Variants in SLC25A24 observed in about 807,000 individuals in gnomAD.
SLC25A24 encodes the protein solute carrier family 25 member 24.
A neutral mutation model predicts 60.7 loss-of-function variants in SLC25A24; 49 were observed. The ratio of observed to expected loss-of-function variants is 0.81; its 90% CI spans 0.64 to 1.02. SLC25A24 has a LOEUF of 1.02. Among genes scored for constraint, SLC25A24 ranks in the 50% least tolerant of loss-of-function variants. The pLI, the probability that SLC25A24 is intolerant of heterozygous loss-of-function variation, is 0.00. For missense variants in SLC25A24, 564 were observed against 586.3 expected, an observed-to-expected ratio of 0.96 and a Z score of 0.39; for synonymous variants, 202 against 200.6, an observed-to-expected ratio of 1.01 and a Z score of -0.06.
At chr1:108,176,089 A>G (rs1170664059) in intron 3 of SLC25A24, among the ~76,000 whole-genome samples, 1 of 152,198 alleles carries the variant, frequency 6.6e-6, no homozygotes, top group Non-Finnish European at 1.5e-5. Flanking sequence ...AAGAAAGCTC[A>G]GCAAACTTCA....
chr1:108,139,321 C>A, intron 8 of SLC25A24, 113 bp from the exon 9 acceptor site: 1 of 1,127,086 alleles, frequency 8.9e-7, no homozygotes, highest in East Asian at 2.5e-5. Flanking sequence ...GATGAGGCCA[C>A]GCATTTGCAG....
At chr1:108,156,516 T>G in intron 5 of SLC25A24, among the ~76,000 whole-genome samples, 1 of 152,202 alleles carries the variant, frequency 6.6e-6, no homozygotes, top group East Asian at 1.9e-4. Flanking sequence ...CCTAAATAAA[T>G]TTTGAGATTT....
chr1:108,147,076 C>G (rs929182942), intron 7 of SLC25A24, among the ~76,000 whole-genome samples: 2 of 152,132 alleles, frequency 1.3e-5, no homozygotes, highest in Non-Finnish European at 2.9e-5. Context: ...CTATTAATTA[C>G]TGCCTCAATT....
chr1:108,161,655 T>C (rs910088186), intron 3 of SLC25A24, among the ~76,000 whole-genome samples: 1 of 152,214 alleles, frequency 6.6e-6, no homozygotes, highest in African/African-American at 2.4e-5. Context: ...TAGTGGATCA[T>C]GAAGATAATT....
intron 4 of SLC25A24, among the ~76,000 whole-genome samples, chr1:108,159,815 A>T (rs1247164251): frequency 1.3e-5 from 2 of 151,674 alleles, no homozygotes; most frequent in Non-Finnish European, 1.5e-5. Context: ...CCCAAGGCAG[A>T]AGAATTTTTC....
chr1:108,143,868 T>C (rs547150492), intron 7 of SLC25A24, among the ~76,000 whole-genome samples, 158 bp from the exon 8 acceptor site: 25 of 152,324 alleles, frequency 1.6e-4, no homozygotes, highest in Admixed American at 2.6e-4. Flanking sequence ...ATTACCTCTA[T>C]TGGGGGGCTA....
rs1302317811 is a variant in SLC25A24, at chr1:108,135,406, CTG to C, written c.*1245_*1246del. On this transcript the variant is annotated 3_prime_UTR_variant, in exon 10 of 10. Transcript: ENST00000565488. ...ATGAGTTTAAGAACTAAATTAAAAA[CTG>C]ATAATAACTTCAACTAGTAAATATT... 6.6e-6 allele frequency: 1 copy of C among 152,424 alleles called. No homozygotes were observed. The highest frequency in any genetic ancestry group is 1.5e-5 in the Non-Finnish European group (1 of 67,994). 9.4% of individuals were successfully genotyped at this position (152,424 alleles called of 1,614,324 possible). A position where few individuals can be genotyped will look rare whatever the true frequency, so the allele number is the denominator to read the frequency against.
intron 3 of SLC25A24, among the ~76,000 whole-genome samples, chr1:108,174,901 T>C (rs1647616263): frequency 6.6e-6 from 1 of 152,214 alleles, no homozygotes; most frequent in African/African-American, 2.4e-5. Context: ...TTGGAACAAG[T>C]ATATTTAATC....
chr1:108,136,963 C>T lies in SLC25A24; in HGVS notation c.1250-126G>A. On this transcript the variant is annotated intron_variant, in intron 9 of 9. Coordinates refer to ENST00000565488, the MANE Select transcript of SLC25A24 (RefSeq NM_013386.5). ...AGGACAACATTTATTCCAAGAAGCCCAAGACAACATCCCTTTTATGATCCT... is the reference window on the plus strand; with the variant it reads ...AGGACAACATTTATTCCAAGAAGCCTAAGACAACATCCCTTTTATGATCCT... 3 of 869,710 alleles carry T rather than the reference C, an allele frequency of 3.4e-6. No homozygotes were observed. In the South Asian group the frequency reaches 4.7e-5, roughly 14 times the overall value. 53.9% of individuals were successfully genotyped at this position (869,710 alleles called of 1,614,324 possible).
chr1:108,136,895 A>G, intron 9 of SLC25A24, 58 bp from the exon 10 acceptor site: 1 of 1,455,582 alleles, frequency 6.9e-7, no homozygotes, highest in Non-Finnish European at 9.5e-7. Flanking sequence ...TATTATGACA[A>G]CAAACAATTA....
At chr1:108,195,029 T>C (rs373967216) in intron 1 of SLC25A24, among the ~76,000 whole-genome samples, 10 of 152,368 alleles carry the variant, frequency 6.6e-5, no homozygotes, top group African/African-American at 2.4e-4. Context: ...GGCTTCAAAC[T>C]TTCTCAACAA....
At chr1:108,193,345 C>G (rs1179334032) in intron 1 of SLC25A24, among the ~76,000 whole-genome samples, 1 of 137,512 alleles carries the variant, frequency 7.3e-6, no homozygotes, top group African/African-American at 2.5e-5. Flanking sequence ...CCTCCCTCCC[C>G]CCTTTTGGAG....
At chr1:108,173,765 C>G (rs977002433) in intron 3 of SLC25A24, among the ~76,000 whole-genome samples, 12 of 152,120 alleles carry the variant, frequency 7.9e-5, no homozygotes, top group Non-Finnish European at 1.3e-4. Flanking sequence ...ATTGCTTTGA[C>G]CAAAATGCTG....
chr1:108,173,199 C>T (rs1288597147), intron 3 of SLC25A24, among the ~76,000 whole-genome samples: 1 of 151,962 alleles, frequency 6.6e-6, no homozygotes, highest in Non-Finnish European at 1.5e-5. Context: ...TGGCTGTGTC[C>T]CCACCCAAAT....
intron 3 of SLC25A24, among the ~76,000 whole-genome samples, chr1:108,169,547 G>T (rs1423396552): frequency 6.6e-6 from 1 of 152,072 alleles, no homozygotes; most frequent in South Asian, 2.1e-4. Context: ...TAAGTCATAG[G>T]TATCTTGGCC....
At chr1:108,180,821 T>A (rs971971108) in intron 3 of SLC25A24, among the ~76,000 whole-genome samples, 2 of 152,196 alleles carry the variant, frequency 1.3e-5, no homozygotes, top group Non-Finnish European at 2.9e-5. Flanking sequence ...CAGCCTATGG[T>A]ATTTTGTCAT....
intron 8 of SLC25A24, among the ~76,000 whole-genome samples, chr1:108,139,545 A>G (rs1485376341): frequency 6.6e-6 from 1 of 152,192 alleles, no homozygotes; most frequent in African/African-American, 2.4e-5. Context: ...CACGTTACAT[A>G]TATTTCATTT....
rs1428560158 is a variant in SLC25A24, at chr1:108,148,264, G to C, written c.930+15C>G. 5 of 1,440,604 alleles carry C rather than the reference G, an allele frequency of 3.5e-6. No homozygotes were observed. The African/African-American group carries it at 5.6e-5, about 16-fold the overall frequency. The allele number at this position is 1,440,604 out of a possible 1,614,324, so 89.2% of individuals were successfully genotyped here. A position where few individuals can be genotyped will look rare whatever the true frequency, so the allele number is the denominator to read the frequency against. ...CGAACACCATCACACAGTCAGACTTGACAATGGTACTCACCTCCATTGGAT... is the reference window on the plus strand; with the variant it reads ...CGAACACCATCACACAGTCAGACTTCACAATGGTACTCACCTCCATTGGAT... On this transcript the variant is annotated intron_variant, in intron 7 of 9. Coordinates refer to ENST00000565488, the MANE Select transcript of SLC25A24 (RefSeq NM_013386.5).
intron 1 of SLC25A24, among the ~76,000 whole-genome samples, chr1:108,188,330 A>C (rs1648220406): frequency 6.6e-6 from 1 of 152,144 alleles, no homozygotes; most frequent in African/African-American, 2.4e-5. Flanking sequence ...GCATCATGCA[A>C]TATACCCTTG....
Sources: gnomAD v4.1 joint callset for allele counts (sites outside exome capture counted in the v4.1 genomes callset) on GRCh38, gnomAD v4.1.1 for gene constraint, MANE v1.5 for transcripts, NCBI Gene and HGNC (gene_info 2026-07-23, HGNC 2026-07-21) for gene names.